Variants in HECW1 observed in about 807,000 individuals in gnomAD.
HECW1 encodes E3 ubiquitin-protein ligase HECW1.
A neutral mutation model predicts 182.3 loss-of-function variants in HECW1; 61 were observed. That is an observed-to-expected ratio of 0.33 (90% CI 0.27 to 0.41). HECW1 has a LOEUF of 0.41. HECW1 is among the 10% of genes least tolerant of loss of function. The probability of loss-of-function intolerance (pLI) is 1.00; values close to 1 mark genes in which losing one functional copy is unlikely to be tolerated. For synonymous variants in HECW1, 859 were observed against 832.6 expected, an observed-to-expected ratio of 1.03 and a Z score of -0.55; for missense variants, 1,739 against 2,108.9, an observed-to-expected ratio of 0.82 and a Z score of 3.44.
At chr7:43,404,334 C>G (rs2075531527) in intron 7 of HECW1, among the ~76,000 whole-genome samples, 1 of 152,134 alleles carries the variant, frequency 6.6e-6, no homozygotes, top group African/African-American at 2.4e-5. Flanking sequence ...GTAGAAGTCT[C>G]CGTTTTCTAA....
chr7:43,406,858 G>A (rs1043862346), intron 7 of HECW1, among the ~76,000 whole-genome samples: 1 of 152,134 alleles, frequency 6.6e-6, no homozygotes, highest in Non-Finnish European at 1.5e-5. Flanking sequence ...GGCAGAGTTT[G>A]CAGTGAGCCA....
intron 5 of HECW1, among the ~76,000 whole-genome samples, chr7:43,324,217 C>T (rs1810499488): frequency 6.6e-6 from 1 of 152,242 alleles, no homozygotes; most frequent in South Asian, 2.1e-4. Flanking sequence ...ATGGGAAAGG[C>T]AGGTACTTAC....
intron 24 of HECW1, among the ~76,000 whole-genome samples, chr7:43,532,179 G>A (rs1476190710): frequency 6.6e-6 from 1 of 152,156 alleles, no homozygotes; most frequent in East Asian, 1.9e-4. Context: ...TGTTCCTGGT[G>A]CCTCTCTTTT....
chr7:43,144,552 A>AT (rs1251954890), intron 2 of HECW1, among the ~76,000 whole-genome samples: 1 of 152,092 alleles, frequency 6.6e-6, no homozygotes, highest in Non-Finnish European at 1.5e-5. Context: ...ACTCAGGAGT[A>AT]TTTTTTTATT....
chr7:43,201,152 C>T (rs2152689597), intron 2 of HECW1, among the ~76,000 whole-genome samples: 1 of 152,270 alleles, frequency 6.6e-6, no homozygotes, highest in African/African-American at 2.4e-5. Flanking sequence ...ACACACTGGT[C>T]CTTGGTGTTC....
At chr7:43,542,176 A>G (rs2081386060) in intron 26 of HECW1, among the ~76,000 whole-genome samples, 178 bp downstream of exon 26, 2 of 151,974 alleles carry the variant, frequency 1.3e-5, no homozygotes. Context: ...AACTGTACCC[A>G]TTAAACAATA....
chr7:43,289,106 CT>C (rs61444685), intron 3 of HECW1, among the ~76,000 whole-genome samples: 1,482 of 141,466 alleles, frequency 0.01, 24 homozygotes, highest in African/African-American at 0.031. Context: ...TTTCTCTTTT[CT>C]TTTTTTTTTT....
At chr7:43,268,444 C>T (rs984100678) in intron 3 of HECW1, among the ~76,000 whole-genome samples, 1 of 152,172 alleles carries the variant, frequency 6.6e-6, no homozygotes, top group Non-Finnish European at 1.5e-5. Flanking sequence ...GATTTTGTCC[C>T]CCGCGGACAT....
chr7:43,153,776 G>T (rs1789596849), intron 2 of HECW1, among the ~76,000 whole-genome samples: 1 of 152,184 alleles, frequency 6.6e-6, no homozygotes, highest in Non-Finnish European at 1.5e-5. Context: ...TAAACATGGA[G>T]ACAGTAACCC....
At chr7:43,406,575 GTAAA>G (rs1256288537) in intron 7 of HECW1, among the ~76,000 whole-genome samples, 1 of 152,130 alleles carries the variant, frequency 6.6e-6, no homozygotes, top group Non-Finnish European at 1.5e-5. Context: ...GTGTATAAAT[GTAAA>G]TAATTTTGTT....
intron 2 of HECW1, among the ~76,000 whole-genome samples, chr7:43,194,637 AG>A (rs1794253618): frequency 1.3e-5 from 2 of 151,944 alleles, no homozygotes; most frequent in Non-Finnish European, 2.9e-5. Context: ...AAGATGGCCA[AG>A]CTCTGTGGAT....
intron 2 of HECW1, among the ~76,000 whole-genome samples, chr7:43,123,664 C>T (rs1785871633): frequency 6.6e-6 from 1 of 152,178 alleles, no homozygotes; most frequent in African/African-American, 2.4e-5. Flanking sequence ...AGTGAATGAT[C>T]TGGCTTGGTG....
intron 5 of HECW1, among the ~76,000 whole-genome samples, chr7:43,338,127 G>A (rs979138219): frequency 8.5e-5 from 13 of 152,154 alleles, no homozygotes; most frequent in Non-Finnish European, 1.5e-4. Flanking sequence ...TAGGATTAGG[G>A]ACTTTTGTGG....
intron 6 of HECW1, among the ~76,000 whole-genome samples, chr7:43,382,489 C>T (rs560445329): frequency 5.6e-4 from 86 of 152,308 alleles, no homozygotes; most frequent in Non-Finnish European, 1.1e-3. Flanking sequence ...TTACAAAATA[C>T]ATAGATTTCA....
At chr7:43,248,268 G>C (rs1799639234) in intron 3 of HECW1, among the ~76,000 whole-genome samples, 1 of 152,140 alleles carries the variant, frequency 6.6e-6, no homozygotes, top group African/African-American at 2.4e-5. Context: ...CACAGAATGG[G>C]CATTGTTACA....
chr7:43,545,245 C>T (rs1002569653), intron 26 of HECW1, among the ~76,000 whole-genome samples: 7 of 152,178 alleles, frequency 4.6e-5, no homozygotes, highest in Non-Finnish European at 7.3e-5. Flanking sequence ...ATTTTATGGC[C>T]TTCTACACCA....
intron 5 of HECW1, among the ~76,000 whole-genome samples, chr7:43,347,338 G>A (rs1813818570): frequency 6.6e-6 from 1 of 152,114 alleles, no homozygotes; most frequent in South Asian, 2.1e-4. Flanking sequence ...TGCTGTTGAT[G>A]TATAGAAGAG....
chr7:43,436,100 C>T (rs1272057471), intron 8 of HECW1, among the ~76,000 whole-genome samples: 1 of 136,196 alleles, frequency 7.3e-6, no homozygotes, highest in Non-Finnish European at 1.5e-5. Flanking sequence ...GGAGGCAGAG[C>T]TTGCAGTGAG....
At chr7:43,544,130 A>T (rs760399996) in intron 26 of HECW1, among the ~76,000 whole-genome samples, 2 of 152,262 alleles carry the variant, frequency 1.3e-5, no homozygotes, top group Non-Finnish European at 2.9e-5. Context: ...GCTGATACAG[A>T]TATCGCACAA....
Sources: gnomAD v4.1 joint callset for allele counts (sites outside exome capture counted in the v4.1 genomes callset) on GRCh38, gnomAD v4.1.1 for gene constraint, MANE v1.5 for transcripts, NCBI Gene and HGNC (gene_info 2026-07-23, HGNC 2026-07-21) for gene names.